Variants in RARB observed in about 807,000 individuals in gnomAD.
The protein encoded by RARB is retinoic acid receptor beta.
RARB carries 17 observed loss-of-function variants against 51.9 expected under a neutral mutation model. The observed-to-expected ratio is 0.33, with a 90% CI of 0.22 to 0.49. The LOEUF (loss-of-function observed/expected upper bound fraction) is 0.49. Among genes scored for constraint, RARB ranks in the 20% least tolerant of loss-of-function variants. The pLI, the probability that RARB is intolerant of heterozygous loss-of-function variation, is 0.99. For synonymous variants in RARB, 215 were observed against 195.4 expected (o/e 1.10, Z -0.84); for missense variants, 369 against 550.8 (o/e 0.67, Z 3.30).
At chr3:25,290,561 TC>T (rs1273988676) in intron 5 of RARB, among the ~76,000 whole-genome samples, 4 of 152,214 alleles carry the variant, frequency 2.6e-5, no homozygotes, top group African/African-American at 9.6e-5. Context: ...GGAAGATGAT[TC>T]CTTCATGGTC....
chr3:24,850,090 G>A (rs1268358143), intron 1 of RARB, among the ~76,000 whole-genome samples: 1 of 152,192 alleles, frequency 6.6e-6, no homozygotes, highest in Non-Finnish European at 1.5e-5. Context: ...GAAGGCTGAA[G>A]GGCAAGAGAG....
intron 5 of RARB, among the ~76,000 whole-genome samples, chr3:25,299,645 A>T (rs1219749298): frequency 6.6e-6 from 1 of 152,240 alleles, no homozygotes; most frequent in African/African-American, 2.4e-5. Flanking sequence ...AAAAGTTTTT[A>T]AAAGACCATA....
chr3:25,055,819 C>T (rs933416496), intron 2 of RARB, among the ~76,000 whole-genome samples: 1 of 152,070 alleles, frequency 6.6e-6, no homozygotes, highest in African/African-American at 2.4e-5. Flanking sequence ...TAAACCTCCT[C>T]TATGCAGCAA....
intron 2 of RARB, among the ~76,000 whole-genome samples, chr3:25,052,021 C>G (rs139208272): frequency 2.8e-3 from 424 of 152,260 alleles, no homozygotes; most frequent in African/African-American, 9.8e-3. Flanking sequence ...TGTGGATACT[C>G]AGGGACCCAG....
intron 2 of RARB, among the ~76,000 whole-genome samples, chr3:25,495,138 G>A (rs367584008): frequency 1.1e-4 from 16 of 152,158 alleles, no homozygotes; most frequent in African/African-American, 2.9e-4. Flanking sequence ...ATCACCCCCT[G>A]TGGAAGATAG....
intron 2 of RARB, among the ~76,000 whole-genome samples, chr3:24,900,817 A>G (rs1395683499): frequency 6.6e-6 from 1 of 152,208 alleles, no homozygotes; most frequent in South Asian, 2.1e-4. Flanking sequence ...GTGATGTTAT[A>G]ATAAAATTTC....
At position 25,587,535 on chromosome 3, in the gene RARB, A is replaced by G. The variant is rs139890671; in HGVS notation, c.787-5968A>G. On this transcript the variant is annotated intron_variant, in intron 5 of 7. Coordinates refer to ENST00000330688, the MANE Select transcript of RARB (RefSeq NM_000965.5). Reference sequence around the variant, plus strand: ...CTATTTCTCTTAACATTGCAAAACAATGGCTGCTAGAGTACTGGTCTGCAA... The same window carrying G: ...CTATTTCTCTTAACATTGCAAAACAGTGGCTGCTAGAGTACTGGTCTGCAA... Among the ~76,000 whole-genome samples, 12 of 152,348 alleles carry G rather than the reference A, an allele frequency of 7.9e-5. 1 individual carries two copies. Among genetic ancestry groups the G allele is most frequent in the African/African-American group, 2.9e-4 (12 of 41,578 alleles).
At chr3:25,290,608 C>G (rs1703763591) in intron 5 of RARB, among the ~76,000 whole-genome samples, 1 of 152,184 alleles carries the variant, frequency 6.6e-6, no homozygotes, top group South Asian at 2.1e-4. Flanking sequence ...CAAGGAGTAT[C>G]TCTGATACTA....
intron 5 of RARB, among the ~76,000 whole-genome samples, chr3:25,409,837 A>G (rs1707513024): frequency 6.6e-6 from 1 of 152,192 alleles, no homozygotes; most frequent in East Asian, 1.9e-4. Context: ...CTTTTGTACA[A>G]TGGTGTCTTA....
chr3:25,188,288 A>G (rs185977416), intron 5 of RARB, among the ~76,000 whole-genome samples: 621 of 152,208 alleles, frequency 4.1e-3, no homozygotes, highest in Non-Finnish European at 7.3e-3. Flanking sequence ...GGTGCTTGGC[A>G]CATAGTAGGT....
At chr3:25,283,688 C>G (rs142591326) in intron 5 of RARB, among the ~76,000 whole-genome samples, 278 of 152,342 alleles carry the variant, frequency 1.8e-3, no homozygotes, top group African/African-American at 6.3e-3. Flanking sequence ...ATACGGTCAT[C>G]TGCTGTGGGG....
intron 1 of RARB, among the ~76,000 whole-genome samples, chr3:25,455,735 A>G (rs1352097612): frequency 6.6e-6 from 1 of 152,162 alleles, no homozygotes; most frequent in Non-Finnish European, 1.5e-5. Flanking sequence ...CGAGTAGCAG[A>G]AGTTCCTCTG....
chr3:25,226,397 T>G (rs1458956481), intron 5 of RARB, among the ~76,000 whole-genome samples: 1 of 152,130 alleles, frequency 6.6e-6, no homozygotes, highest in Non-Finnish European at 1.5e-5. Context: ...TTGCAATATT[T>G]CTCTCAGGAA....
chr3:25,251,571 C>A (rs183893970), intron 5 of RARB, among the ~76,000 whole-genome samples: 253 of 152,216 alleles, frequency 1.7e-3, no homozygotes, highest in Middle Eastern at 6.8e-3. Context: ...TGTGAAATGA[C>A]ATTTTATTGT....
chr3:25,167,871 T>G (rs17517931), intron 4 of RARB, among the ~76,000 whole-genome samples: 2 of 152,128 alleles, frequency 1.3e-5, no homozygotes, highest in South Asian at 4.1e-4. Context: ...TTTTTTTCTT[T>G]CCACCCTACC....
At chr3:25,203,317 A>C (rs1009295905) in intron 5 of RARB, among the ~76,000 whole-genome samples, 1 of 152,098 alleles carries the variant, frequency 6.6e-6, no homozygotes, top group African/African-American at 2.4e-5. Context: ...TTTTGAGGCT[A>C]TGTGTGTCTC....
In RARB at chr3:25,111,593, T is replaced by TG. The variant is rs959298854; in HGVS notation, c.-327-20568_-327-20567insG. Among the ~76,000 whole-genome samples the TG allele has an allele frequency of 2.6e-4, 39 of 150,262 alleles. No homozygotes were observed. The East Asian group carries it at 5.7e-3, about 22-fold the overall frequency. On this transcript the variant is annotated intron_variant, in intron 3 of 11. Transcript: ENST00000383772. Reference sequence around the variant, plus strand: ...CCGTTTCTAACAGTGGTTTTTTTTTTTTTTTTTTTGAGACGGAGTCTGTCA... The same window carrying TG: ...CCGTTTCTAACAGTGGTTTTTTTTTTGTTTTTTTTTGAGACGGAGTCTGTCA...
chr3:25,010,542 C>A (rs531176449), intron 2 of RARB, among the ~76,000 whole-genome samples: 1 of 152,172 alleles, frequency 6.6e-6, no homozygotes, highest in Admixed American at 6.6e-5. Flanking sequence ...GTTTTGGGAG[C>A]AACAGATTAT....
At chr3:24,971,140 T>C (rs1696389346) in intron 2 of RARB, among the ~76,000 whole-genome samples, 1 of 152,010 alleles carries the variant, frequency 6.6e-6, no homozygotes, top group African/African-American at 2.4e-5. Context: ...ACATTTCTAA[T>C]GACATCTATT....
Sources: allele counts gnomAD v4.1 joint callset (sites outside exome capture counted in the v4.1 genomes callset), GRCh38; gene constraint gnomAD v4.1.1; transcripts MANE v1.5; gene names NCBI Gene and HGNC (gene_info 2026-07-23, HGNC 2026-07-21).